Variants in JMY observed in about 807,000 individuals in gnomAD.
JMY encodes junction-mediating and -regulatory protein.
Under a neutral mutation model 103.3 loss-of-function variants are expected in JMY, and 46 were observed. That is an observed-to-expected ratio of 0.45 (90% CI 0.35 to 0.57). The LOEUF is 0.57. Ranked by LOEUF, JMY falls within the 20% of genes least tolerant of loss-of-function variation. The pLI, the probability that JMY is intolerant of heterozygous loss-of-function variation, is 0.00. For synonymous variants in JMY, 526 were observed against 489.3 expected (o/e 1.07, Z -0.99); for missense variants, 1,238 against 1,255.2 (o/e 0.99, Z 0.21).
rs200817821 is a variant in JMY, at chr5:79,319,563, CT to C, written c.*4-2033del. 2.9e-3 allele frequency among the ~76,000 whole-genome samples: 283 copies of C among 96,022 alleles called. 3 individuals carry two copies. The highest frequency in any genetic ancestry group is 5.8e-3 in the East Asian group (21 of 3,596). 63.0% of individuals were successfully genotyped at this position (96,022 alleles called of 152,430 possible). On this transcript the variant is annotated intron_variant, in intron 10 of 10. Coordinates refer to ENST00000396137, the MANE Select transcript of JMY (RefSeq NM_152405.5). ...TATTTCCCATTAATTTATTAGATTC[CT>C]TTTTTTTTTCTCTCTCTCTTTTTTT...
chr5:79,310,454 A>G lies in JMY; in HGVS notation c.1969-1949A>G, dbSNP rs535758612. Among the ~76,000 whole-genome samples, 25 of 152,324 alleles carry G rather than the reference A, an allele frequency of 1.6e-4. No homozygotes were observed. In the East Asian group the frequency reaches 4.2e-3, roughly 26 times the overall value. On this transcript the variant is annotated intron_variant, in intron 7 of 10. Transcript: ENST00000396137. ...GGTTGGAATATATAATTGTCAGAGA[A>G]TGAATCCATTAAATAACTAGTCATC...
Position 79,300,339 on chromosome 5 carries a change from C to T in JMY, c.1693+21C>T, listed in dbSNP as rs527359469. On this transcript the variant is annotated intron_variant, in intron 5 of 10. Transcript: ENST00000396137. ...ATCAGGTATGGCGTGCATTTAACCA[C>T]ATAAGTTCACCAAAGATTGAATACA... 2.2e-5 allele frequency: 32 copies of T among 1,486,208 alleles called. No individual in the cohort carries two copies. In the South Asian group the frequency reaches 4.4e-4, roughly 21 times the overall value. 92.1% of individuals were successfully genotyped at this position (1,486,208 alleles called of 1,614,324 possible).
At chr5:79,289,994 A>G (rs1328279419) in intron 2 of JMY, 127 bp from the exon 3 acceptor site, 1 of 654,724 alleles carries the variant, frequency 1.5e-6, no homozygotes, top group Admixed American at 2.9e-5. Context: ...CTTGTTTTGT[A>G]AACTAATAGC....
At chr5:79,286,360 G>C (rs1746266747) in intron 2 of JMY, among the ~76,000 whole-genome samples, 1 of 152,134 alleles carries the variant, frequency 6.6e-6, no homozygotes, top group Non-Finnish European at 1.5e-5. Flanking sequence ...AAGCCTCAAG[G>C]CTGGGCGCAG....
At position 79,316,278 on chromosome 5, in the gene JMY, G is replaced by C. The variant is rs369808474; in HGVS notation, c.2938G>C (p.Ala980Pro). The C allele has an allele frequency of 3.1e-6, 5 of 1,612,368 alleles. No individual in the cohort carries two copies. ...ASPESEDEEE[A>P]LPCTDWEN ...CCCAGAGTCAGAGGACGAAGAGGAG[G>C]CTTTACCTTGCACAGACTGGGAGAA... The change falls in exon 10 of 11, where the codon GCT becomes CCT. Residue 980 changes from alanine (A) to proline (P), a missense_variant. Ala to Pro is a conservative substitution (Grantham distance 27). Coordinates refer to ENST00000396137, the MANE Select transcript of JMY (RefSeq NM_152405.5).
chr5:79,286,672 A>C (rs1255746093), intron 2 of JMY, among the ~76,000 whole-genome samples: 1 of 151,994 alleles, frequency 6.6e-6, no homozygotes, highest in South Asian at 2.1e-4. Context: ...TGCAAGTTTT[A>C]CACTTTTCTT....
intron 1 of JMY, among the ~76,000 whole-genome samples, chr5:79,272,158 C>G (rs1745803047): frequency 6.6e-6 from 1 of 150,772 alleles, no homozygotes; most frequent in Admixed American, 6.6e-5. Flanking sequence ...CAGTAATACT[C>G]TATATCTTAC....
chr5:79,242,191 G>A (rs1486011851), intron 1 of JMY, among the ~76,000 whole-genome samples: 1 of 152,114 alleles, frequency 6.6e-6, no homozygotes, highest in Non-Finnish European at 1.5e-5. Flanking sequence ...AAAATTATCC[G>A]TGTAAGCCAC....
chr5:79,325,524 C>CACTT lies in JMY; in HGVS notation c.*3926_*3929dup, dbSNP rs1276519205. The CACTT allele has an allele frequency of 1.3e-5, 2 of 152,102 alleles. No homozygotes were observed. The highest frequency in any genetic ancestry group is 4.8e-5 in the African/African-American group (2 of 41,430). The allele number at this position is 152,102 out of a possible 1,614,324, so 9.4% of individuals were successfully genotyped here. A position where few individuals can be genotyped will look rare whatever the true frequency, so the allele number is the denominator to read the frequency against. On this transcript the variant is annotated 3_prime_UTR_variant, in exon 11 of 11. Transcript: ENST00000396137. ...TGCATTTTAAACAGATTCTATTTCCCACTTACTGCTTAGCATAGAAAAAGA... is the reference window on the plus strand; with the variant it reads ...TGCATTTTAAACAGATTCTATTTCCCACTTACTTACTGCTTAGCATAGAAAAAGA...
chr5:79,296,755 A>G (rs373184154), intron 4 of JMY, among the ~76,000 whole-genome samples: 23 of 152,372 alleles, frequency 1.5e-4, no homozygotes, highest in African/African-American at 5.3e-4. Flanking sequence ...GATTCAGTCC[A>G]CAGGTAGCTC....
chr5:79,257,453 A>T (rs1322743533), intron 1 of JMY, among the ~76,000 whole-genome samples: 3 of 152,036 alleles, frequency 2.0e-5, no homozygotes, highest in Admixed American at 1.3e-4. Flanking sequence ...AACTACAAAA[A>T]TTTGCCAGGC....
Position 79,237,695 on chromosome 5 carries a change from GCTC to G in JMY, c.1032+16_1032+18del. ...GCGCATCCAGGAGGTGAGTGAGTGAGCTCCTAGTCTGGGCTCTACTGGTCGCTT... is the reference window on the plus strand; with the variant it reads ...GCGCATCCAGGAGGTGAGTGAGTGAGCTAGTCTGGGCTCTACTGGTCGCTT... On this transcript the variant is annotated intron_variant, in intron 1 of 10. Transcript: ENST00000396137. The G allele has an allele frequency of 6.2e-7, 1 of 1,603,960 alleles. No individual in the cohort carries two copies. The highest frequency in any genetic ancestry group is 8.5e-7 in the Non-Finnish European group (1 of 1,173,876).
At position 79,316,129 on chromosome 5, in the gene JMY, G is replaced by A. The variant is rs966902774; in HGVS notation, c.2789G>A (p.Arg930Lys). 3.7e-6 allele frequency: 6 copies of A among 1,614,016 alleles called. No individual in the cohort carries two copies. In the Admixed American group the frequency reaches 6.7e-5, roughly 18 times the overall value. ...DDSNNILAQI[R>K]KGVKLKKVQK... Reference sequence around the variant, plus strand: ...AGTAATAATATCTTGGCACAAATAAGGAAAGGGGTAAAATTGAAGAAGGTA... The same window carrying A: ...AGTAATAATATCTTGGCACAAATAAAGAAAGGGGTAAAATTGAAGAAGGTA... The change falls in exon 10 of 11, where the codon AGG (arginine) becomes AAG (lysine). Residue 930 changes from arginine (R) to lysine (K), a missense_variant. Coordinates refer to ENST00000396137, the MANE Select transcript of JMY (RefSeq NM_152405.5).
At position 79,290,105 on chromosome 5, in the gene JMY, C is replaced by A; in HGVS notation, c.1207-16C>A. ...AAAGACTTGAACTTCTTAATTTTTTCTTTTTCTCTCTGAAGATTTCCATGG... is the reference window on the plus strand; with the variant it reads ...AAAGACTTGAACTTCTTAATTTTTTATTTTTCTCTCTGAAGATTTCCATGG... On this transcript the variant is annotated splice_polypyrimidine_tract_variant and intron_variant, in intron 2 of 10. Transcript: ENST00000396137. 6.4e-7 allele frequency: 1 copy of A among 1,552,936 alleles called. No homozygotes were observed. The highest frequency in any genetic ancestry group is 2.1e-5 in the Admixed American group (1 of 48,568).
chr5:79,253,419 A>T (rs1745148262), intron 1 of JMY, among the ~76,000 whole-genome samples: 2 of 151,816 alleles, frequency 1.3e-5, no homozygotes, highest in South Asian at 4.2e-4. Flanking sequence ...CAGCCTCCTG[A>T]GTAGTTGGGA....
chr5:79,294,216 C>G (rs968900544), intron 4 of JMY, among the ~76,000 whole-genome samples: 8 of 151,926 alleles, frequency 5.3e-5, no homozygotes, highest in African/African-American at 1.9e-4. Context: ...CCAGCCTGAC[C>G]AATATGGCAA....
In JMY at chr5:79,316,078, T is replaced by C. The variant is rs1747207780; in HGVS notation, c.2738T>C (p.Leu913Pro). 6.2e-7 allele frequency: 1 copy of C among 1,614,214 alleles called. No homozygotes were observed. The highest frequency in any genetic ancestry group is 8.5e-7 in the Non-Finnish European group (1 of 1,180,016). ...CTGAAAAAGGTTGAACAGCGAACTC[T>C]GCCTCCTTTTCCTGATGAAGATGAT... is the stretch of plus-strand genomic sequence containing the variant. ...FHLKKVEQRT[L>P]PPFPDEDDSN... is the part of the protein sequence containing the mutation. The change falls in exon 10 of 11, where the codon CTG becomes CCG. Residue 913 changes from leucine to proline, a missense_variant. Coordinates refer to ENST00000396137, the MANE Select transcript of JMY (RefSeq NM_152405.5).
intron 1 of JMY, among the ~76,000 whole-genome samples, chr5:79,273,891 C>T (rs781736568): frequency 6.6e-6 from 1 of 151,970 alleles, no homozygotes; most frequent in Non-Finnish European, 1.5e-5. Flanking sequence ...AGTGCAATGG[C>T]GCTATCTCGG....
chr5:79,314,333 C>G lies in JMY; in HGVS notation c.2141C>G (p.Pro714Arg). 1 of 1,614,180 alleles carries G rather than the reference C, an allele frequency of 6.2e-7. No individual in the cohort carries two copies. The highest frequency in any genetic ancestry group is 8.5e-7 in the Non-Finnish European group (1 of 1,180,034). Residue 714 changes from proline (P) to arginine (R), a missense_variant, in exon 9 of 11, where the codon CCT becomes CGT. Coordinates refer to ENST00000396137, the MANE Select transcript of JMY (RefSeq NM_152405.5). ...AHARRKGAAS[P>R]VLQEDHCDSL... is the part of the protein sequence containing the mutation. The stretch of plus-strand genomic sequence containing the variant: ...GCAAGAAGAAAAGGTGCAGCAAGTC[C>G]TGTTCTCCAAGAGGATCATTGTGAC...
Sources: allele counts gnomAD v4.1 joint callset (sites outside exome capture counted in the v4.1 genomes callset), GRCh38; gene constraint gnomAD v4.1.1; transcripts MANE v1.5; gene names NCBI Gene and HGNC (gene_info 2026-07-23, HGNC 2026-07-21).